The following SDK1 variants were observed in gnomAD, a reference collection of about 807,000 sequenced individuals.
The protein encoded by SDK1 is sidekick cell adhesion molecule 1.
SDK1 carries 157 observed loss-of-function variants against 245.5 expected under a neutral mutation model. That is an observed-to-expected ratio of 0.64 (90% confidence interval 0.56 to 0.73). The LOEUF (loss-of-function observed/expected upper bound fraction) is 0.73, where lower values mean the gene tolerates loss of function less well. Ranked by LOEUF, SDK1 falls within the 30% of genes least tolerant of loss-of-function variation. The pLI, the probability that SDK1 is intolerant of heterozygous loss-of-function variation, is 0.00. For synonymous variants in SDK1, 1,647 were observed against 1,278.5 expected (o/e 1.29, Z -6.15); for missense variants, 3,583 against 3,002.3 (o/e 1.19, Z -4.52).
intron 1 of SDK1, among the ~76,000 whole-genome samples, chr7:3,588,985 G>C (rs1376718188): frequency 6.6e-6 from 1 of 152,178 alleles, no homozygotes; most frequent in East Asian, 1.9e-4. Context: ...TCTTGACATG[G>C]AGCAGTGAAT....
chr7:3,621,659 G>A (rs1354568728), intron 2 of SDK1, among the ~76,000 whole-genome samples: 1 of 152,102 alleles, frequency 6.6e-6, no homozygotes, highest in Non-Finnish European at 1.5e-5. Context: ...TCTCTTTTCC[G>A]ACCACCTGTA....
chr7:4,214,195 TG>T (rs1482209041), intron 38 of SDK1, among the ~76,000 whole-genome samples: 1 of 151,824 alleles, frequency 6.6e-6, no homozygotes, highest in African/African-American at 2.4e-5. Context: ...AACTGCTCCA[TG>T]ATGGGCAGAA....
intron 38 of SDK1, among the ~76,000 whole-genome samples, chr7:4,213,422 AAAG>A (rs796207557): frequency 3.3e-5 from 5 of 149,558 alleles, no homozygotes; most frequent in African/African-American, 1.3e-4. Flanking sequence ...AAAAAAAAAA[AAAG>A]AAAACAAAAA....
intron 1 of SDK1, among the ~76,000 whole-genome samples, chr7:3,430,058 C>T (rs548836412): frequency 2.6e-5 from 4 of 152,340 alleles, no homozygotes; most frequent in Admixed American, 6.5e-5. Context: ...AATGGTGGAA[C>T]TCTGCCTCTC....
chr7:4,218,787 A>C (rs973567125), intron 38 of SDK1, among the ~76,000 whole-genome samples: 1 of 152,156 alleles, frequency 6.6e-6, no homozygotes, highest in African/African-American at 2.4e-5. Flanking sequence ...CAATCGGTCC[A>C]TCCTGGAAGT....
chr7:3,445,770 G>A (rs961623353), intron 1 of SDK1, among the ~76,000 whole-genome samples: 2 of 151,948 alleles, frequency 1.3e-5, no homozygotes, highest in Non-Finnish European at 2.9e-5. Context: ...TATTATTTTT[G>A]TTTCAGCCAT....
chr7:3,848,235 T>C (rs1265911740), intron 5 of SDK1, among the ~76,000 whole-genome samples: 1 of 152,226 alleles, frequency 6.6e-6, no homozygotes, highest in Non-Finnish European at 1.5e-5. Flanking sequence ...CTTAACGAGA[T>C]GGATTCAGGG....
chr7:3,330,677 A>G (rs1343251026), intron 1 of SDK1, among the ~76,000 whole-genome samples: 1 of 152,088 alleles, frequency 6.6e-6, no homozygotes, highest in African/African-American at 2.4e-5. Context: ...TTCTTTATGA[A>G]TTACCCAGTC....
At chr7:4,182,168 C>T (rs1047721120) in intron 35 of SDK1, among the ~76,000 whole-genome samples, 1 of 152,190 alleles carries the variant, frequency 6.6e-6, no homozygotes, top group African/African-American at 2.4e-5. Flanking sequence ...GTCTGCTCAC[C>T]TTGGCCTCCC....
chr7:3,354,867 G>A lies in SDK1; in HGVS notation c.298+52983G>A, dbSNP rs189950452. Among the ~76,000 whole-genome samples the A allele has an allele frequency of 7.2e-5, 11 of 152,182 alleles. No individual in the cohort carries two copies. In the South Asian group the frequency reaches 8.3e-4, roughly 11 times the overall value. On this transcript the variant is annotated intron_variant, in intron 1 of 44. Coordinates refer to ENST00000404826, the MANE Select transcript of SDK1 (RefSeq NM_152744.4). ...GGAAACGATTGGACTTAAAGTGTAC[G>A]TACTTGATCACGTTAAAGAGGCCTC...
chr7:4,218,307 C>T (rs1784948713), intron 38 of SDK1, among the ~76,000 whole-genome samples: 2 of 152,060 alleles, frequency 1.3e-5, no homozygotes, highest in Admixed American at 6.6e-5. Flanking sequence ...GCAGGAGAAT[C>T]GCTTGAACTC....
intron 1 of SDK1, among the ~76,000 whole-genome samples, chr7:3,458,821 G>C (rs894192273): frequency 6.6e-6 from 1 of 152,022 alleles, no homozygotes; most frequent in African/African-American, 2.4e-5. Context: ...ACGTTTCATT[G>C]GTCTGTTTTG....
chr7:3,510,788 A>G (rs556822768), intron 1 of SDK1, among the ~76,000 whole-genome samples: 85 of 152,304 alleles, frequency 5.6e-4, no homozygotes, highest in African/African-American at 1.8e-3. Context: ...CCTACATCCA[A>G]GACAGGCCTG....
intron 4 of SDK1, among the ~76,000 whole-genome samples, chr7:3,789,571 C>G (rs2115021541): frequency 6.6e-6 from 1 of 152,272 alleles, no homozygotes; most frequent in East Asian, 1.9e-4. Flanking sequence ...CGTGTATATA[C>G]TTTGGGAATT....
At chr7:3,850,361 T>A (rs1780388806) in intron 5 of SDK1, among the ~76,000 whole-genome samples, 1 of 152,202 alleles carries the variant, frequency 6.6e-6, no homozygotes, top group Non-Finnish European at 1.5e-5. Flanking sequence ...GGTGACTTAT[T>A]TTACTCTTTT....
chr7:3,648,230 C>T (rs184646052), intron 4 of SDK1, among the ~76,000 whole-genome samples: 4 of 152,222 alleles, frequency 2.6e-5, no homozygotes, highest in Admixed American at 2.6e-4. Flanking sequence ...TGCTGTACTT[C>T]TCTTTCCTCC....
chr7:3,676,743 C>A (rs1175642618), intron 4 of SDK1, among the ~76,000 whole-genome samples: 1 of 152,088 alleles, frequency 6.6e-6, no homozygotes, highest in Non-Finnish European at 1.5e-5. Flanking sequence ...TATGGATATC[C>A]CATTATCCTA....
At chr7:3,672,211 G>A (rs967118784) in intron 4 of SDK1, among the ~76,000 whole-genome samples, 1 of 152,030 alleles carries the variant, frequency 6.6e-6, no homozygotes, top group African/African-American at 2.4e-5. Context: ...AGCCGATGCT[G>A]CTGGTGAGAA....
chr7:4,012,058 C>A, intron 15 of SDK1, 37 bp from the exon 16 acceptor site: 1 of 1,398,972 alleles, frequency 7.1e-7, no homozygotes, highest in South Asian at 1.9e-5. Flanking sequence ...GTTTCTGGTA[C>A]TCATCTCTCT....
Sources: allele counts gnomAD v4.1 joint callset (sites outside exome capture counted in the v4.1 genomes callset), GRCh38; gene constraint gnomAD v4.1.1; transcripts MANE v1.5; gene names NCBI Gene and HGNC (gene_info 2026-07-23, HGNC 2026-07-21).